LRRC28: variants seen among roughly 807,000 people sequenced by gnomAD.
LRRC28 encodes leucine-rich repeat-containing protein 28.
Under a neutral mutation model 45.7 loss-of-function variants are expected in LRRC28, and 39 were observed. That is an observed-to-expected ratio of 0.85 (90% CI 0.66 to 1.12). The LOEUF (loss-of-function observed/expected upper bound fraction) is 1.12, where lower values mean the gene tolerates loss of function less well. LRRC28 is among the 50% of genes most tolerant of loss of function. LRRC28 has a pLI of 0.00. For missense variants in LRRC28, 435 were observed against 438.5 expected (o/e 0.99, Z 0.07); for synonymous variants, 206 against 178.8 (o/e 1.15, Z -1.22).
At chr15:99,278,800 G>A (rs34423043) in intron 3 of LRRC28, among the ~76,000 whole-genome samples, 14,524 of 152,256 alleles carry the variant, frequency 0.095, 979 homozygotes, top group East Asian at 0.32. Context: ...GGTCTCTTAC[G>A]AAGCTGCAGT....
intron 2 of LRRC28, chr15:99,257,564 C>T (rs576262324): frequency 3.9e-4 from 208 of 535,312 alleles, no homozygotes; most frequent in Middle Eastern, 5.9e-4. Context: ...GGATCCAACC[C>T]GGGGGTGAGA....
chr15:99,350,699 A>G (rs186061183), intron 6 of LRRC28, among the ~76,000 whole-genome samples: 1 of 152,350 alleles, frequency 6.6e-6, no homozygotes, highest in East Asian at 1.9e-4. Flanking sequence ...CCTAAACTAA[A>G]GAAAGATGAG....
intron 5 of LRRC28, among the ~76,000 whole-genome samples, chr15:99,309,447 C>T (rs4116633): frequency 0.3 from 46,007 of 151,934 alleles, 7,903 homozygotes; most frequent in African/African-American, 0.47. Context: ...CTCGCTCTGT[C>T]GCCAAGGCTG....
At chr15:99,277,372 A>T (rs2081646576) in intron 3 of LRRC28, among the ~76,000 whole-genome samples, 1 of 152,152 alleles carries the variant, frequency 6.6e-6, no homozygotes, top group African/African-American at 2.4e-5. Flanking sequence ...GAACACCCGT[A>T]AACCCTTCAC....
chr15:99,337,644 A>C (rs923920022), intron 6 of LRRC28, among the ~76,000 whole-genome samples: 3 of 152,160 alleles, frequency 2.0e-5, no homozygotes, highest in Non-Finnish European at 4.4e-5. Flanking sequence ...GAATTTGTGA[A>C]TGTGGTGTCA....
chr15:99,319,459 A>G (rs1031442188), intron 5 of LRRC28, among the ~76,000 whole-genome samples: 8 of 152,208 alleles, frequency 5.3e-5, no homozygotes, highest in African/African-American at 1.4e-4. Context: ...CAAAGACAAT[A>G]TATCTGAAAA....
At chr15:99,317,800 A>G (rs1398860499) in intron 5 of LRRC28, among the ~76,000 whole-genome samples, 1 of 152,210 alleles carries the variant, frequency 6.6e-6, no homozygotes, top group African/African-American at 2.4e-5. Context: ...TATAAAACAC[A>G]TGTCATCTCT....
At chr15:99,311,454 G>A (rs1312852545) in intron 5 of LRRC28, among the ~76,000 whole-genome samples, 1 of 152,102 alleles carries the variant, frequency 6.6e-6, no homozygotes, top group East Asian at 1.9e-4. Context: ...ATTTCCAAGT[G>A]TTTGCACATT....
chr15:99,374,278 ATCT>A (rs1244363094), intron 9 of LRRC28, among the ~76,000 whole-genome samples: 1 of 152,216 alleles, frequency 6.6e-6, no homozygotes, highest in Non-Finnish European at 1.5e-5. Flanking sequence ...TTTCGTCAGC[ATCT>A]TAAATAATTT....
At chr15:99,307,444 A>G (rs970007710) in intron 5 of LRRC28, among the ~76,000 whole-genome samples, 3 of 152,256 alleles carry the variant, frequency 2.0e-5, no homozygotes, top group Non-Finnish European at 4.4e-5. Flanking sequence ...ATCTTTGAAA[A>G]TAGTTTTTAG....
intron 5 of LRRC28, among the ~76,000 whole-genome samples, chr15:99,295,691 A>G (rs1208551090): frequency 3.9e-5 from 6 of 152,232 alleles, no homozygotes; most frequent in Non-Finnish European, 7.3e-5. Context: ...TTTAAAAAAT[A>G]CTTTTATCCT....
At chr15:99,333,451 C>T (rs1005507757) in intron 5 of LRRC28, among the ~76,000 whole-genome samples, 1 of 152,200 alleles carries the variant, frequency 6.6e-6, no homozygotes, top group South Asian at 2.1e-4. Context: ...AATTTCTACT[C>T]CAGAAATCTG....
intron 5 of LRRC28, chr15:99,320,832 C>A (rs769975968): frequency 6.6e-6 from 1 of 152,132 alleles, no homozygotes; most frequent in Admixed American, 6.5e-5. Context: ...CACCCAGATT[C>A]CAAATTTATA....
intron 2 of LRRC28, among the ~76,000 whole-genome samples, chr15:99,260,753 G>A (rs1729838205): frequency 6.6e-6 from 1 of 152,160 alleles, no homozygotes. Context: ...AGTAGTATGT[G>A]GAATTTTATT....
intron 5 of LRRC28, among the ~76,000 whole-genome samples, chr15:99,296,553 T>C (rs1431270207): frequency 6.6e-6 from 1 of 152,196 alleles, no homozygotes; most frequent in East Asian, 1.9e-4. Context: ...AAAAAGAATC[T>C]AAAAAATTAA....
chr15:99,286,733 A>G (rs1315342126), intron 3 of LRRC28: 1 of 152,276 alleles, frequency 6.6e-6, no homozygotes, highest in Non-Finnish European at 1.5e-5. Context: ...TTTTGCCATG[A>G]AATAAATTCT....
At chr15:99,325,372 GTAAA>G (rs1164247848) in intron 5 of LRRC28, among the ~76,000 whole-genome samples, 1 of 152,108 alleles carries the variant, frequency 6.6e-6, no homozygotes. Context: ...CATTTTATCT[GTAAA>G]TAAAGTTTTA....
chr15:99,293,620 A>ACAAAC, intron 5 of LRRC28, among the ~76,000 whole-genome samples: 1 of 146,116 alleles, frequency 6.8e-6, no homozygotes, highest in South Asian at 2.2e-4. Flanking sequence ...AAAAAAAAAA[A>ACAAAC]AAAAAAAAAA....
At position 99,334,023 on chromosome 15, in the gene LRRC28, C is replaced by G. The variant is rs950981068; in HGVS notation, c.486C>G (p.Leu162=). ...RLHMCLSLQY[L]TVDRNRLWYV... Reference sequence around the variant, plus strand: ...ACATGTGCCTTTCTCTGCAGTACCTCACTGTGGACCGAAATCGTCTATGGT... The same window carrying G: ...ACATGTGCCTTTCTCTGCAGTACCTGACTGTGGACCGAAATCGTCTATGGT... Residue 162 remains leucine, a synonymous_variant, in exon 6 of 10, where the codon CTC becomes CTG. Transcript: ENST00000301981. 13 of 1,614,022 alleles carry G rather than the reference C, an allele frequency of 8.1e-6. No individual in the cohort carries two copies. The Admixed American group carries it at 1.5e-4, about 19-fold the overall frequency.
Sources: allele counts gnomAD v4.1 joint callset (sites outside exome capture counted in the v4.1 genomes callset), GRCh38; gene constraint gnomAD v4.1.1; transcripts MANE v1.5; gene names NCBI Gene and HGNC (gene_info 2026-07-23, HGNC 2026-07-21).